Variants in PID1 observed in about 807,000 individuals in gnomAD.
PID1 encodes the protein PTB-containing, cubilin and LRP1-interacting protein.
In PID1, 10 loss-of-function variants were observed where a neutral mutation model predicts 19.1. That is an observed-to-expected ratio of 0.52 (90% confidence interval 0.32 to 0.89). The LOEUF is 0.89. PID1 is among the 40% of genes least tolerant of loss of function. The pLI is 0.03. For missense variants in PID1, 248 were observed against 285.3 expected, an observed-to-expected ratio of 0.87 and a Z score of 0.94; for synonymous variants, 130 against 116.0, an observed-to-expected ratio of 1.12 and a Z score of -0.78.
At chr2:229,053,736 G>A (rs1048087219) in intron 2 of PID1, among the ~76,000 whole-genome samples, 1 of 152,110 alleles carries the variant, frequency 6.6e-6, no homozygotes, top group Non-Finnish European at 1.5e-5. Flanking sequence ...ATAGTTACTC[G>A]AACAGTTGCT....
chr2:229,194,510 T>C (rs1691329699), intron 1 of PID1, among the ~76,000 whole-genome samples: 1 of 151,968 alleles, frequency 6.6e-6, no homozygotes, highest in East Asian at 1.9e-4. Flanking sequence ...AATTTTTAAA[T>C]TAAGGAGAAT....
At chr2:229,229,515 T>C (rs946817248) in intron 1 of PID1, among the ~76,000 whole-genome samples, 10 of 152,162 alleles carry the variant, frequency 6.6e-5, no homozygotes, top group African/African-American at 2.4e-4. Flanking sequence ...TGCATGCCTG[T>C]AGTTCCAGCT....
Position 229,138,318 on chromosome 2 carries a change from A to G in PID1, c.177+17500T>C, listed in dbSNP as rs189634811. Among the ~76,000 whole-genome samples the G allele has an allele frequency of 4.1e-4, 63 of 152,304 alleles. 1 individual carries two copies. The highest frequency in any genetic ancestry group is 1.4e-3 in the African/African-American group (59 of 41,562). On this transcript the variant is annotated intron_variant, in intron 2 of 2. Transcript: ENST00000392055. Reference sequence around the variant, plus strand: ...ACTCAGTGCTTATAAAAATTGTACTAAATTTTAACTCATGCAGTTTCCCTC... The same window carrying G: ...ACTCAGTGCTTATAAAAATTGTACTGAATTTTAACTCATGCAGTTTCCCTC...
intron 1 of PID1, among the ~76,000 whole-genome samples, chr2:229,223,938 TC>T (rs1692025381): frequency 1.3e-5 from 2 of 152,204 alleles, no homozygotes. Flanking sequence ...CCTTCCTCCC[TC>T]CTGGCTTTTG....
chr2:229,172,613 C>A (rs145578456), intron 1 of PID1, among the ~76,000 whole-genome samples: 61 of 152,266 alleles, frequency 4.0e-4, no homozygotes, highest in African/African-American at 1.3e-3. Flanking sequence ...TTGATTAGGG[C>A]CCACCCTAAT....
chr2:229,172,295 C>T (rs1690726300), intron 1 of PID1, among the ~76,000 whole-genome samples: 1 of 152,150 alleles, frequency 6.6e-6, no homozygotes, highest in Admixed American at 6.5e-5. Flanking sequence ...ATCAATGAAG[C>T]ATATATAAGA....
intron 2 of PID1, among the ~76,000 whole-genome samples, chr2:229,052,681 G>C (rs760098146): frequency 2.0e-5 from 3 of 150,896 alleles, no homozygotes; most frequent in Non-Finnish European, 4.4e-5. Flanking sequence ...TGTCTAATTT[G>C]ACCGGTGGGA....
At position 229,253,657 on chromosome 2, in the gene PID1, C is replaced by T. The variant is rs188833398; in HGVS notation, c.30+17357G>A. On this transcript the variant is annotated intron_variant, in intron 1 of 2. Transcript: ENST00000392055. ...CAGTTAAGCATGCACAGTTTTTACA[C>T]GGAAGGGTACCCATATACAAGGACA... Among the ~76,000 whole-genome samples, 84 of 151,544 alleles carry T rather than the reference C, an allele frequency of 5.5e-4. 2 individuals carry two copies. The highest frequency in any genetic ancestry group is 3.1e-3 in the Admixed American group (47 of 15,234).
At chr2:229,229,235 T>C (rs1219678561) in intron 1 of PID1, among the ~76,000 whole-genome samples, 1 of 152,162 alleles carries the variant, frequency 6.6e-6, no homozygotes, top group Admixed American at 6.5e-5. Context: ...TCTCCAGCAG[T>C]ACCACCTTCT....
intron 1 of PID1, among the ~76,000 whole-genome samples, chr2:229,162,988 A>T (rs1444497921): frequency 2.0e-5 from 3 of 152,242 alleles, no homozygotes. Flanking sequence ...TGTATATTTA[A>T]CAACTAATTT....
chr2:229,184,345 C>CATAT (rs373286075), intron 1 of PID1, among the ~76,000 whole-genome samples: 5 of 27,386 alleles, frequency 1.8e-4, no homozygotes, highest in African/African-American at 7.8e-4. Context: ...ATATATATCC[C>CATAT]ATATATATAT....
chr2:229,237,101 C>T (rs986419179), intron 1 of PID1, among the ~76,000 whole-genome samples: 1 of 151,400 alleles, frequency 6.6e-6, no homozygotes, highest in African/African-American at 2.4e-5. Context: ...GAAATTAAAA[C>T]AAACAGAGGA....
intron 1 of PID1, among the ~76,000 whole-genome samples, chr2:229,251,257 A>T (rs1015805853): frequency 7.4e-6 from 1 of 134,512 alleles, no homozygotes; most frequent in African/African-American, 2.8e-5. Flanking sequence ...AGTAATTGAA[A>T]TATTTGCAAG....
chr2:229,254,674 G>C (rs1260146526), intron 1 of PID1, among the ~76,000 whole-genome samples: 1 of 152,132 alleles, frequency 6.6e-6, no homozygotes. Flanking sequence ...TATATGACTG[G>C]TGTTCAAGGG....
chr2:229,131,789 C>A (rs962637614), intron 2 of PID1, among the ~76,000 whole-genome samples: 3 of 151,294 alleles, frequency 2.0e-5, no homozygotes, highest in Non-Finnish European at 4.4e-5. Context: ...TTCTTAAAAG[C>A]GTTTGTTTTG....
chr2:229,102,349 T>C (rs945410016), intron 2 of PID1, among the ~76,000 whole-genome samples: 2 of 152,156 alleles, frequency 1.3e-5, no homozygotes, highest in Non-Finnish European at 2.9e-5. Context: ...TGCACTGTTC[T>C]AAGCCATTAT....
At chr2:229,200,504 T>A (rs1041833532) in intron 1 of PID1, among the ~76,000 whole-genome samples, 2 of 152,034 alleles carry the variant, frequency 1.3e-5, no homozygotes, top group African/African-American at 2.4e-5. Context: ...ATGTATCATA[T>A]ATCCCACGGT....
At chr2:229,035,298 T>G (rs537210994) in intron 2 of PID1, among the ~76,000 whole-genome samples, 1 of 152,316 alleles carries the variant, frequency 6.6e-6, no homozygotes, top group Non-Finnish European at 1.5e-5. Flanking sequence ...AATCTGCTTC[T>G]AGACTGATTT....
chr2:229,135,964 C>T (rs1263310870), intron 2 of PID1, among the ~76,000 whole-genome samples: 3 of 152,178 alleles, frequency 2.0e-5, no homozygotes, highest in East Asian at 1.9e-4. Context: ...CACCTAAAAT[C>T]CACGCCTTTT....
Sources: allele counts gnomAD v4.1 joint callset (sites outside exome capture counted in the v4.1 genomes callset), GRCh38; gene constraint gnomAD v4.1.1; transcripts MANE v1.5; gene names NCBI Gene and HGNC (gene_info 2026-07-23, HGNC 2026-07-21).